The following ASH1L variants were observed in gnomAD, a reference collection of about 807,000 sequenced individuals.
The protein encoded by ASH1L is histone-lysine N-methyltransferase ASH1L.
In ASH1L, 23 loss-of-function variants were observed where a neutral mutation model predicts 269.0. That is an observed-to-expected ratio of 0.09 (90% confidence interval 0.06 to 0.12). ASH1L has a LOEUF of 0.12. Ranked by LOEUF, ASH1L falls within the 10% of genes least tolerant of loss-of-function variation. The pLI is 1.00. For synonymous variants in ASH1L, 1,187 were observed against 1,253.5 expected (o/e 0.95, Z 1.12); for missense variants, 2,912 against 3,567.8 (o/e 0.82, Z 4.68).
intron 2 of ASH1L, among the ~76,000 whole-genome samples, chr1:155,487,157 C>A (rs372686650): frequency 1.3e-5 from 2 of 152,242 alleles, no homozygotes; most frequent in East Asian, 1.9e-4. Flanking sequence ...AAGGATGAAA[C>A]TCCACCTCAA....
At chr1:155,431,861 T>C (rs1449025345) in intron 5 of ASH1L, among the ~76,000 whole-genome samples, 1 of 152,160 alleles carries the variant, frequency 6.6e-6, no homozygotes, top group Non-Finnish European at 1.5e-5. Flanking sequence ...GTGATCCTCC[T>C]GCCTCAGCCT....
intron 12 of ASH1L, 35 bp downstream of exon 12, chr1:155,370,469 T>C (rs999838240): frequency 6.2e-7 from 1 of 1,611,864 alleles, no homozygotes; most frequent in Non-Finnish European, 8.5e-7. Flanking sequence ...CTTATTCTGC[T>C]GGATTCTTGT....
At chr1:155,542,200 A>C (rs1670470438) in intron 1 of ASH1L, among the ~76,000 whole-genome samples, 2 of 152,226 alleles carry the variant, frequency 1.3e-5, no homozygotes, top group African/African-American at 4.8e-5. Flanking sequence ...GGAATTCTAA[A>C]ATGACAACAG....
chr1:155,400,974 A>G (rs1658788289), intron 6 of ASH1L, among the ~76,000 whole-genome samples: 1 of 151,898 alleles, frequency 6.6e-6, no homozygotes, highest in African/African-American at 2.4e-5. Flanking sequence ...AGCCTTGGCC[A>G]AGAAGGTGAA....
intron 1 of ASH1L, among the ~76,000 whole-genome samples, chr1:155,523,923 A>G (rs1669060388): frequency 6.6e-6 from 1 of 152,182 alleles, no homozygotes; most frequent in Non-Finnish European, 1.5e-5. Flanking sequence ...TAAGTACTCA[A>G]CAAATTTTGG....
intron 3 of ASH1L, among the ~76,000 whole-genome samples, chr1:155,476,532 T>C (rs1257994363): frequency 1.3e-5 from 2 of 152,118 alleles, no homozygotes; most frequent in Admixed American, 1.3e-4. Flanking sequence ...ATCTTTTCCC[T>C]AATACACAAG....
intron 13 of ASH1L, among the ~76,000 whole-genome samples, chr1:155,359,616 C>T (rs1654757860): frequency 6.6e-6 from 1 of 151,846 alleles, no homozygotes; most frequent in African/African-American, 2.4e-5. Context: ...TGCTCTGTTC[C>T]ACAGGCTGCA....
At chr1:155,433,970 G>T in intron 5 of ASH1L, 1 of 1,581,814 alleles carries the variant, frequency 6.3e-7, no homozygotes, top group Non-Finnish European at 8.6e-7. Context: ...CAGCCACATC[G>T]CCCAGCAGCT....
At chr1:155,434,295 G>A (rs1661895267) in intron 5 of ASH1L, 2 of 1,577,044 alleles carry the variant, frequency 1.3e-6, no homozygotes, top group Non-Finnish European at 1.7e-6. Context: ...GGGGACAGGG[G>A]GAGGGGAGGA....
At chr1:155,346,077 A>C (rs1653284172) in intron 21 of ASH1L, 3 of 1,014,102 alleles carry the variant, frequency 3.0e-6, no homozygotes, top group Non-Finnish European at 4.0e-6. Context: ...CAGGCAATCC[A>C]TCCGCCTTAG....
At chr1:155,542,312 G>A (rs1173993038) in intron 1 of ASH1L, among the ~76,000 whole-genome samples, 3 of 152,168 alleles carry the variant, frequency 2.0e-5, no homozygotes, top group Admixed American at 1.3e-4. Context: ...CACTTTGGGA[G>A]TCTGAGGCGG....
chr1:155,558,841 TTTTTC>T (rs1168984673), intron 1 of ASH1L, among the ~76,000 whole-genome samples: 2 of 150,474 alleles, frequency 1.3e-5, no homozygotes, highest in African/African-American at 2.5e-5. Flanking sequence ...CCTAGGCCCC[TTTTTC>T]TTTTCTTTTT....
chr1:155,372,703 T>C (rs1558040996), intron 10 of ASH1L, among the ~76,000 whole-genome samples: 1 of 151,836 alleles, frequency 6.6e-6, no homozygotes, highest in Non-Finnish European at 1.5e-5. Context: ...CTCGAACTCC[T>C]TGGCTCAAGG....
chr1:155,511,451 T>C (rs1668156655), intron 2 of ASH1L, among the ~76,000 whole-genome samples: 1 of 152,208 alleles, frequency 6.6e-6, no homozygotes, highest in South Asian at 2.1e-4. Context: ...TGTCAATTAT[T>C]CCTTAACAAG....
At chr1:155,355,596 T>A (rs2148363549) in intron 15 of ASH1L, among the ~76,000 whole-genome samples, 1 of 152,300 alleles carries the variant, frequency 6.6e-6, no homozygotes, top group Non-Finnish European at 1.5e-5. Context: ...CCTCTGCAAA[T>A]TCTCATTTAA....
chr1:155,563,099 G>A (rs890479792), upstream of ASH1L: 2 of 457,556 alleles, frequency 4.4e-6, no homozygotes, highest in South Asian at 3.1e-5. Context: ...CCGCAGCGCT[G>A]CGGCTCGCCT....
chr1:155,344,329 T>G (rs1356373999), intron 21 of ASH1L, 56 bp from the exon 22 acceptor site: 5 of 1,308,970 alleles, frequency 3.8e-6, no homozygotes, highest in Non-Finnish European at 5.5e-6. Context: ...TTCAGCCTAC[T>G]TATTTCTCAA....
chr1:155,335,538 C>T lies in ASH1L; in HGVS notation c.*2122G>A, dbSNP rs1329440944. 1.3e-5 allele frequency: 2 copies of T among 152,662 alleles called. No individual in the cohort carries two copies. The highest frequency in any genetic ancestry group is 4.8e-5 in the African/African-American group (2 of 41,406). The allele number at this position is 152,662 out of a possible 1,614,324, so 9.5% of individuals were successfully genotyped here. On this transcript the variant is annotated 3_prime_UTR_variant, in exon 28 of 28. Coordinates refer to ENST00000392403, the MANE Select transcript of ASH1L (RefSeq NM_018489.3). Reference sequence around the variant, plus strand: ...GCCCCGCATTTCAAACACCAAAACCCGCCTGGCAGCTGGGGGGTTCTTTTT... The same window carrying T: ...GCCCCGCATTTCAAACACCAAAACCTGCCTGGCAGCTGGGGGGTTCTTTTT...
chr1:155,497,827 G>T (rs1276447330), intron 2 of ASH1L, among the ~76,000 whole-genome samples: 3 of 151,128 alleles, frequency 2.0e-5, no homozygotes, highest in Admixed American at 2.0e-4. Flanking sequence ...TCGGCTCACT[G>T]CAAGTTCCGC....
Sources: gnomAD v4.1 joint callset for allele counts (sites outside exome capture counted in the v4.1 genomes callset) on GRCh38, gnomAD v4.1.1 for gene constraint, MANE v1.5 for transcripts, NCBI Gene and HGNC (gene_info 2026-07-23, HGNC 2026-07-21) for gene names.